Variants in SMG9 observed in about 807,000 individuals in gnomAD.
SMG9 encodes the protein SMG9 nonsense mediated mRNA decay factor.
A neutral mutation model predicts 64.0 loss-of-function variants in SMG9; 55 were observed. The observed-to-expected ratio is 0.86, with a 90% CI of 0.69 to 1.08. The LOEUF (loss-of-function observed/expected upper bound fraction) is 1.08, where lower values mean the gene tolerates loss of function less well. Among genes scored for constraint, SMG9 ranks in the 50% least tolerant of loss-of-function variants. The pLI, the probability that SMG9 is intolerant of heterozygous loss-of-function variation, is 0.00. For missense variants in SMG9, 554 were observed against 681.3 expected, an observed-to-expected ratio of 0.81 and a Z score of 2.08; for synonymous variants, 244 against 254.8, an observed-to-expected ratio of 0.96 and a Z score of 0.41.
intron 2 of SMG9, 42 bp downstream of exon 2, chr19:43,750,550 C>A (rs1429007081): frequency 6.3e-7 from 1 of 1,576,690 alleles, no homozygotes; most frequent in Non-Finnish European, 8.6e-7. Context: ...TGCGTGGAAC[C>A]AAATAGATAC....
rs570309656 is a variant in SMG9 at position 43,731,708 on chromosome 19, C to T, written c.1485-34G>A. ...AGGCCAACAGTCAGGGCTGCCTGGC[C>T]GGGGCTCCCCCCAGCCCAGCACCAA... On this transcript the variant is annotated intron_variant, in intron 13 of 13. Transcript: ENST00000270066. The T allele has an allele frequency of 3.6e-5, 58 of 1,613,830 alleles. No individual in the cohort carries two copies. The East Asian group carries it at 7.4e-4, about 20-fold the overall frequency.
chr19:43,745,876 C>T (rs1235219421), intron 5 of SMG9, among the ~76,000 whole-genome samples: 8 of 152,180 alleles, frequency 5.3e-5, no homozygotes, highest in African/African-American at 1.7e-4. Context: ...TGGTACATGC[C>T]TGTAATCCCA....
intron 5 of SMG9, 124 bp downstream of exon 5, chr19:43,747,318 A>T (rs346536): frequency 0.26 from 221,998 of 838,800 alleles, 33,324 homozygotes; most frequent in African/African-American, 0.58. Flanking sequence ...ATGTTCTGAT[A>T]CCACCCCCTC....
At chr19:43,736,145 T>C (rs1249794209) in intron 9 of SMG9, among the ~76,000 whole-genome samples, 3 of 152,238 alleles carry the variant, frequency 2.0e-5, no homozygotes, top group Non-Finnish European at 4.4e-5. Flanking sequence ...CCAGGGTTAC[T>C]AATACAAACA....
intron 6 of SMG9, among the ~76,000 whole-genome samples, chr19:43,743,228 T>C (rs1332367980): frequency 6.6e-6 from 1 of 152,064 alleles, no homozygotes; most frequent in Non-Finnish European, 1.5e-5. Context: ...CTGAGACCCA[T>C]GGGGAAAATT....
At position 43,731,708 on chromosome 19, in the gene SMG9, C is replaced by G. The variant is rs570309656; in HGVS notation, c.1485-34G>C. On this transcript the variant is annotated intron_variant, in intron 13 of 13. Coordinates refer to ENST00000270066, the MANE Select transcript of SMG9 (RefSeq NM_019108.4). ...AGGCCAACAGTCAGGGCTGCCTGGC[C>G]GGGGCTCCCCCCAGCCCAGCACCAA... 3.7e-6 allele frequency: 6 copies of G among 1,613,712 alleles called. No individual in the cohort carries two copies. In the African/African-American group the frequency reaches 5.3e-5, roughly 14 times the overall value.
At position 43,750,704 on chromosome 19, in the gene SMG9, C is replaced by T; in HGVS notation, c.38G>A (p.Gly13Glu). The change falls in exon 2 of 14, where the codon GGG becomes GAG. Residue 13 changes from glycine to glutamate, a missense_variant. Physicochemically the swap from Gly to Glu is moderately conservative, Grantham distance 98 (BLOSUM62 -2). Coordinates refer to ENST00000270066, the MANE Select transcript of SMG9 (RefSeq NM_019108.4). ...ESGHSQPGLY[G>E]IERRRRWKEP... is the part of the protein sequence containing the mutation. Reference sequence around the variant, plus strand: ...CTTCCACCGTCGCCGCCGCTCTATCCCATAGAGTCCAGGCTGACTGTGTCC... The same window carrying T: ...CTTCCACCGTCGCCGCCGCTCTATCTCATAGAGTCCAGGCTGACTGTGTCC... 3 of 1,613,974 alleles carry T rather than the reference C, an allele frequency of 1.9e-6. No homozygotes were observed. The highest frequency in any genetic ancestry group is 4.5e-5 in the East Asian group (2 of 44,876).
chr19:43,731,179 A>G lies in SMG9; in HGVS notation c.*417T>C, dbSNP rs1968470927. The G allele has an allele frequency of 1.0e-6, 1 of 1,001,496 alleles. No individual in the cohort carries two copies. Among genetic ancestry groups the G allele is most frequent in the South Asian group, 4.4e-5 (1 of 22,612 alleles). 62.0% of individuals were successfully genotyped at this position (1,001,496 alleles called of 1,614,324 possible). A position where few individuals can be genotyped will look rare whatever the true frequency, so the allele number is the denominator to read the frequency against. On this transcript the variant is annotated 3_prime_UTR_variant, in exon 14 of 14. Transcript: ENST00000270066. ...TTGCATGACTGTGTTTATTTGAACCACCAGATCTGTTCCAATAAAGAGCTC... is the reference window on the plus strand; with the variant it reads ...TTGCATGACTGTGTTTATTTGAACCGCCAGATCTGTTCCAATAAAGAGCTC...
intron 6 of SMG9, among the ~76,000 whole-genome samples, chr19:43,743,029 T>C (rs1289453271): frequency 6.6e-6 from 1 of 151,312 alleles, no homozygotes; most frequent in Admixed American, 6.6e-5. Context: ...AAGCTGAAAT[T>C]GTGCCACCGC....
rs866250188 is a variant in SMG9 at position 43,750,621 on chromosome 19, A to G, written c.121T>C (p.Tyr41His). Residue 41 changes from tyrosine to histidine, a missense_variant, in exon 2 of 14, where the codon TAC becomes CAC. Physicochemically the swap from Tyr to His is moderately conservative, Grantham distance 83. Coordinates refer to ENST00000270066, the MANE Select transcript of SMG9 (RefSeq NM_019108.4). ...LSGPGGRERD[Y>H]IAPWERERRD... The stretch of plus-strand genomic sequence containing the variant: ...CTCTCTCTTTCCCATGGTGCAATGT[A>G]GTCCCTCTCCCGACCACCAGGCCCA... The G allele has an allele frequency of 2.5e-6, 4 of 1,613,536 alleles. No individual in the cohort carries two copies. The highest frequency in any genetic ancestry group is 2.5e-6 in the Non-Finnish European group (3 of 1,179,880).
rs904763751 is a variant in SMG9, at chr19:43,730,254, G to T, written c.*1342C>A. The T allele has an allele frequency of 6.6e-6, 1 of 152,208 alleles. No individual in the cohort carries two copies. The highest frequency in any genetic ancestry group is 2.4e-5 in the African/African-American group (1 of 41,436). The allele number at this position is 152,208 out of a possible 1,614,324, so 9.4% of individuals were successfully genotyped here. On this transcript the variant is annotated 3_prime_UTR_variant, in exon 14 of 14. Coordinates refer to ENST00000270066, the MANE Select transcript of SMG9 (RefSeq NM_019108.4). ...TTACTGAACGATGGATTAATTTGGG[G>T]TGGCGAGACCAATTTGGAGACATAC... is the stretch of plus-strand genomic sequence containing the variant.
At chr19:43,751,714 G>A (rs1011421695) in intron 1 of SMG9, among the ~76,000 whole-genome samples, 1 of 152,198 alleles carries the variant, frequency 6.6e-6, no homozygotes, top group African/African-American at 2.4e-5. Flanking sequence ...TCCTCCCAGT[G>A]ACAGGAATGT....
chr19:43,737,111 A>C (rs1409550802), intron 9 of SMG9, among the ~76,000 whole-genome samples: 4 of 152,094 alleles, frequency 2.6e-5, no homozygotes, highest in Admixed American at 2.6e-4. Flanking sequence ...CATCTCTACT[A>C]AAGATGCAAA....
chr19:43,738,247 T>G lies in SMG9; in HGVS notation c.814-30A>C, dbSNP rs770645681. ...AGCAAGGAAGAGAACAGAGTGTCACTCAGATACCCAAGTTTCACACGCTCA... is the reference window on the plus strand; with the variant it reads ...AGCAAGGAAGAGAACAGAGTGTCACGCAGATACCCAAGTTTCACACGCTCA... On this transcript the variant is annotated intron_variant, in intron 7 of 13. Transcript: ENST00000270066. 13 of 1,596,346 alleles carry G rather than the reference T, an allele frequency of 8.1e-6. No individual in the cohort carries two copies. In the African/African-American group the frequency reaches 1.5e-4, roughly 18 times the overall value.
At position 43,729,077 on chromosome 19, in the gene SMG9, C is replaced by T. The variant is rs908111115; in HGVS notation, c.*2519G>A. On this transcript the variant is annotated 3_prime_UTR_variant, in exon 14 of 14. Coordinates refer to ENST00000270066, the MANE Select transcript of SMG9 (RefSeq NM_019108.4). ...GGATGTAAAGGGGGTGGCGGGTGAC[C>T]GGTACATACTTACCCACTGTTCAGA... is the stretch of plus-strand genomic sequence containing the variant. 6.0e-5 allele frequency: 59 copies of T among 976,806 alleles called. No individual in the cohort carries two copies. The highest frequency in any genetic ancestry group is 2.3e-4 in the East Asian group (2 of 8,768). The allele number at this position is 976,806 out of a possible 1,614,324, so 60.5% of individuals were successfully genotyped here.
At chr19:43,733,991 G>T in intron 10 of SMG9, 1 of 566,020 alleles carries the variant, frequency 1.8e-6, no homozygotes, top group African/African-American at 1.9e-5. Flanking sequence ...CTTTGAAGAA[G>T]AGTAGAGCGG....
At chr19:43,744,656 G>A (rs1226215198) in intron 6 of SMG9, 116 bp downstream of exon 6, 2 of 660,112 alleles carry the variant, frequency 3.0e-6, no homozygotes, top group Admixed American at 5.7e-5. Flanking sequence ...GTCTACAGAA[G>A]AAAAGCAACT....
At chr19:43,742,289 T>C (rs1449041913) in intron 6 of SMG9, among the ~76,000 whole-genome samples, 2 of 152,018 alleles carry the variant, frequency 1.3e-5, no homozygotes, top group Admixed American at 6.6e-5. Flanking sequence ...ATTAAAAAAT[T>C]AGTTGGGCAT....
At chr19:43,740,331 C>A in intron 6 of SMG9, 113 bp from the exon 7 acceptor site, 8 of 747,326 alleles carry the variant, frequency 1.1e-5, no homozygotes, top group Admixed American at 1.9e-5. Flanking sequence ...TGCCTGCTCC[C>A]TAAGCTTTTC....
Sources: allele counts gnomAD v4.1 joint callset (sites outside exome capture counted in the v4.1 genomes callset), GRCh38; gene constraint gnomAD v4.1.1; transcripts MANE v1.5; gene names NCBI Gene and HGNC (gene_info 2026-07-23, HGNC 2026-07-21).